BRI3BP: variants seen among roughly 807,000 people sequenced by gnomAD.
BRI3BP encodes BRI3 binding protein.
A neutral mutation model predicts 15.8 loss-of-function variants in BRI3BP; 7 were observed. That is an observed-to-expected ratio of 0.44 (90% CI 0.25 to 0.83). The LOEUF (loss-of-function observed/expected upper bound fraction) is 0.83. Among genes scored for constraint, BRI3BP ranks in the 40% least tolerant of loss-of-function variants. The probability of loss-of-function intolerance (pLI) is 0.20; values close to 1 mark genes in which losing one functional copy is unlikely to be tolerated. For synonymous variants in BRI3BP, 192 were observed against 163.5 expected (o/e 1.17, Z -1.33); for missense variants, 320 against 339.3 (o/e 0.94, Z 0.45).
the BRI3BP span, among the ~76,000 whole-genome samples, chr12:125,037,373 G>A: frequency 1.3e-5 from 2 of 151,450 alleles, no homozygotes; most frequent in African/African-American, 2.4e-5. Context: ...GGCTTTATTT[G>A]ATCTAGTCCC....
chr12:124,997,285 G>A (rs1055322035), intron 1 of BRI3BP, among the ~76,000 whole-genome samples: 1 of 138,508 alleles, frequency 7.2e-6, no homozygotes, highest in African/African-American at 2.8e-5. Context: ...GCGAGCTCTC[G>A]GCTTACTGCA....
intron 2 of BRI3BP, among the ~76,000 whole-genome samples, chr12:125,020,824 G>A (rs1266564849): frequency 6.6e-6 from 1 of 152,180 alleles, no homozygotes; most frequent in East Asian, 1.9e-4. Context: ...AGGTTGCAAT[G>A]AGCTAAGATC....
At chr12:125,012,474 A>G in intron 1 of BRI3BP, 60 bp from the exon 2 acceptor site, 1 of 1,390,470 alleles carries the variant, frequency 7.2e-7, no homozygotes, top group Middle Eastern at 1.8e-4. Context: ...TCCCCAGTTC[A>G]CTGCTTGACT....
At position 125,025,405 on chromosome 12, in the gene BRI3BP, G is replaced by A; in HGVS notation, c.731G>A (p.Ser244Asn). The A allele has an allele frequency of 6.2e-7, 1 of 1,604,088 alleles. No homozygotes were observed. The highest frequency in any genetic ancestry group is 1.7e-5 in the Admixed American group (1 of 59,250). The change falls in exon 3 of 3, where the codon AGC becomes AAC. Residue 244 changes from serine to asparagine, a missense_variant. Transcript: ENST00000341446. Reference sequence around the variant, plus strand: ...ATCCGTCTCAACCGGGTGCTCGAGAGCCTGGACCGCTCCAAGGACAAGTGA... The same window carrying A: ...ATCCGTCTCAACCGGGTGCTCGAGAACCTGGACCGCTCCAAGGACAAGTGA... ...LNIRLNRVLE[S>N]LDRSKDK
chr12:124,998,108 G>A (rs894427985), intron 1 of BRI3BP, among the ~76,000 whole-genome samples: 8 of 127,918 alleles, frequency 6.3e-5, no homozygotes, highest in African/African-American at 2.9e-4. Context: ...CCTGGGCAAC[G>A]AGTGAAACTC....
chr12:125,022,541 A>ATTTATTTATTTTTTTTTTTTTTT, intron 2 of BRI3BP, among the ~76,000 whole-genome samples: 53 of 139,424 alleles, frequency 3.8e-4, no homozygotes, highest in African/African-American at 1.3e-3. Context: ...TTATTTATTT[A>ATTTATTTATTTTTTTTTTTTTTT]TTTTTTGAGA....
Position 125,026,158 on chromosome 12 carries a change from A to G in BRI3BP, c.*728A>G. 1 of 152,154 alleles carries G rather than the reference A, an allele frequency of 6.6e-6. No individual in the cohort carries two copies. Among genetic ancestry groups the G allele is most frequent in the East Asian group, 1.9e-4 (1 of 5,190 alleles). 9.4% of individuals were successfully genotyped at this position (152,154 alleles called of 1,614,324 possible). A position where few individuals can be genotyped will look rare whatever the true frequency, so the allele number is the denominator to read the frequency against. On this transcript the variant is annotated 3_prime_UTR_variant, in exon 3 of 3. Transcript: ENST00000341446. ...TGTGCTTCGATGTATTTTAACCTCA[A>G]CATTTTGAAACGGAAAATGCAAGGA...
At chr12:125,040,516 G>A in the BRI3BP span, among the ~76,000 whole-genome samples, 34 of 147,184 alleles carry the variant, frequency 2.3e-4, no homozygotes, top group Admixed American at 4.8e-4. Flanking sequence ...AGCTAATTTC[G>A]TATTTTTAGT....
chr12:124,997,416 G>T (rs971847029), intron 1 of BRI3BP, among the ~76,000 whole-genome samples: 2 of 148,828 alleles, frequency 1.3e-5, no homozygotes, highest in African/African-American at 4.9e-5. Context: ...GGGTTTCACT[G>T]TGTTGGCCAG....
downstream of BRI3BP, among the ~76,000 whole-genome samples, chr12:125,035,447 G>A (rs1955435690): frequency 1.3e-5 from 2 of 149,794 alleles, no homozygotes; most frequent in Non-Finnish European, 3.0e-5. Context: ...AGGCTGGAGT[G>A]CAGTGGTGCA....
intron 2 of BRI3BP, among the ~76,000 whole-genome samples, chr12:125,019,986 GTC>G (rs1192057763): frequency 1.2e-4 from 15 of 124,250 alleles, no homozygotes; most frequent in Admixed American, 2.8e-4. Context: ...TTGAGATGGA[GTC>G]TCTCTCTGTT....
chr12:125,047,250 G>A, the BRI3BP span, among the ~76,000 whole-genome samples: 4 of 151,684 alleles, frequency 2.6e-5, no homozygotes, highest in South Asian at 4.2e-4. Flanking sequence ...CCAGGTTCAC[G>A]CCATTCTCCT....
chr12:125,037,527 T>C, the BRI3BP span, among the ~76,000 whole-genome samples: 1 of 151,768 alleles, frequency 6.6e-6, no homozygotes, highest in Non-Finnish European at 1.5e-5. Context: ...AACTGGTGCG[T>C]GTGGCCAGGC....
At position 125,025,439 on chromosome 12, in the gene BRI3BP, C is replaced by T. The variant is rs779045302; in HGVS notation, c.*9C>T. 9 of 1,572,644 alleles carry T rather than the reference C, an allele frequency of 5.7e-6. No individual in the cohort carries two copies. The highest frequency in any genetic ancestry group is 7.8e-6 in the Non-Finnish European group (9 of 1,155,908). On this transcript the variant is annotated 3_prime_UTR_variant, in exon 3 of 3. Coordinates refer to ENST00000341446, the MANE Select transcript of BRI3BP (RefSeq NM_080626.6). Reference sequence around the variant, plus strand: ...GCTCCAAGGACAAGTGAAGGTCAGCCGGCCGGGCGGGTCCACAGTTACCAG... The same window carrying T: ...GCTCCAAGGACAAGTGAAGGTCAGCTGGCCGGGCGGGTCCACAGTTACCAG...
At chr12:125,049,856 G>A in the BRI3BP span, among the ~76,000 whole-genome samples, 2 of 152,180 alleles carry the variant, frequency 1.3e-5, no homozygotes. Flanking sequence ...CCGGGCGTTG[G>A]GGTCGCGGGA....
downstream of BRI3BP, among the ~76,000 whole-genome samples, chr12:125,031,574 ATTTTTTTTTTTT>A (rs367625363): frequency 5.3e-4 from 45 of 84,196 alleles, no homozygotes; most frequent in Non-Finnish European, 9.1e-4. Context: ...TTTTCTTTCT[ATTTTTTTTTTTT>A]TTTTTTTTTT....
chr12:125,033,014 G>A (rs771111612), downstream of BRI3BP, among the ~76,000 whole-genome samples: 8 of 152,036 alleles, frequency 5.3e-5, no homozygotes, highest in East Asian at 1.9e-4. Flanking sequence ...CCTTCTGCCC[G>A]CTGCCAATCC....
intron 2 of BRI3BP, among the ~76,000 whole-genome samples, chr12:125,022,537 A>ATTT (rs1391143992): frequency 4.4e-4 from 31 of 70,618 alleles, no homozygotes; most frequent in African/African-American, 2.2e-3. Context: ...TTATTTATTT[A>ATTT]TTTATTTTTT....
At chr12:125,008,304 T>TTC (rs1955165560) in intron 1 of BRI3BP, among the ~76,000 whole-genome samples, 1 of 143,400 alleles carries the variant, frequency 7.0e-6, no homozygotes, top group East Asian at 2.0e-4. Flanking sequence ...TCTTTCTTTT[T>TTC]TTTTTTTTTT....
Sources: gnomAD v4.1 joint callset for allele counts (sites outside exome capture counted in the v4.1 genomes callset) on GRCh38, gnomAD v4.1.1 for gene constraint, MANE v1.5 for transcripts, NCBI Gene and HGNC (gene_info 2026-07-23, HGNC 2026-07-21) for gene names.